The following CRACD variants were observed in gnomAD, a reference collection of about 807,000 sequenced individuals.
The protein encoded by CRACD is capping protein inhibiting regulator of actin dynamics.
CRACD carries 56 observed loss-of-function variants against 106.8 expected under a neutral mutation model. The observed-to-expected ratio is 0.52, with a 90% CI of 0.42 to 0.66. The LOEUF is 0.66. Ranked by LOEUF, CRACD falls within the 30% of genes least tolerant of loss-of-function variation. The pLI is 0.00. For synonymous variants in CRACD, 754 were observed against 670.8 expected (o/e 1.12, Z -1.92); for missense variants, 1,730 against 1,623.2 (o/e 1.07, Z -1.13).
chr4:56,292,235 T>C (rs1743736095), intron 3 of CRACD, among the ~76,000 whole-genome samples: 1 of 152,166 alleles, frequency 6.6e-6, no homozygotes, highest in Non-Finnish European at 1.5e-5. Context: ...TGAAAGGAAT[T>C]TTTAAGCAGC....
intron 2 of CRACD, among the ~76,000 whole-genome samples, chr4:56,183,089 C>T (rs1166619291): frequency 1.8e-4 from 28 of 151,632 alleles, no homozygotes; most frequent in South Asian, 6.3e-4. Flanking sequence ...AAAAATTAGC[C>T]GGGCATGGTG....
chr4:56,086,055 G>A (rs1325329247), intron 1 of CRACD, among the ~76,000 whole-genome samples: 1 of 152,092 alleles, frequency 6.6e-6, no homozygotes, highest in Non-Finnish European at 1.5e-5. Context: ...CATTCCTAGA[G>A]AAGCAAACAG....
At chr4:56,108,457 T>C (rs924158216) in intron 1 of CRACD, among the ~76,000 whole-genome samples, 4 of 152,206 alleles carry the variant, frequency 2.6e-5, no homozygotes, top group African/African-American at 7.2e-5. Context: ...CCCTGTCATG[T>C]AGGGACAAGC....
intron 1 of CRACD, among the ~76,000 whole-genome samples, chr4:56,092,641 C>T (rs111403315): frequency 1.3e-5 from 2 of 151,840 alleles, no homozygotes; most frequent in African/African-American, 2.4e-5. Context: ...CTCACTCTGT[C>T]GCCCAGGCTG....
At chr4:56,310,161 G>C (rs1745042148) in intron 5 of CRACD, among the ~76,000 whole-genome samples, 1 of 152,114 alleles carries the variant, frequency 6.6e-6, no homozygotes, top group African/African-American at 2.4e-5. Context: ...CTCCCTTTCT[G>C]CTGTTTTCTT....
chr4:56,143,072 A>G lies in CRACD; in HGVS notation c.-335-36212A>G, dbSNP rs1297876343. 2.0e-5 allele frequency among the ~76,000 whole-genome samples: 3 copies of G among 151,836 alleles called. No homozygotes were observed. The East Asian group carries it at 5.8e-4, about 29-fold the overall frequency. On this transcript the variant is annotated intron_variant, in intron 1 of 10. Transcript: ENST00000682029. ...TTTTAGAACTATAATATCTAATTCTAGACATAAAAATTGTTTGGCTTGATT... is the reference window on the plus strand; with the variant it reads ...TTTTAGAACTATAATATCTAATTCTGGACATAAAAATTGTTTGGCTTGATT...
chr4:56,188,659 T>TA (rs1553908639), intron 2 of CRACD, among the ~76,000 whole-genome samples: 15 of 83,814 alleles, frequency 1.8e-4, no homozygotes, highest in Admixed American at 2.7e-4. Flanking sequence ...ATCTCTCTAT[T>TA]TCTCTCTCTC....
At chr4:56,112,116 C>T (rs1034981284) in intron 1 of CRACD, among the ~76,000 whole-genome samples, 3 of 152,108 alleles carry the variant, frequency 2.0e-5, no homozygotes, top group Non-Finnish European at 2.9e-5. Flanking sequence ...TCTTGCTAGG[C>T]GGGAGTCAGG....
intron 1 of CRACD, among the ~76,000 whole-genome samples, chr4:56,161,626 A>C (rs1735960123): frequency 6.6e-6 from 1 of 151,890 alleles, no homozygotes; most frequent in Non-Finnish European, 1.5e-5. Context: ...CACTCTGCTG[A>C]TTTTTATGTT....
At chr4:56,269,511 G>C (rs1311627602) in intron 2 of CRACD, among the ~76,000 whole-genome samples, 3 of 151,882 alleles carry the variant, frequency 2.0e-5, no homozygotes, top group Non-Finnish European at 2.9e-5. Context: ...CAAAGTAGGA[G>C]CAGGCATGAC....
chr4:56,058,003 G>A (rs191302912), intron 1 of CRACD, among the ~76,000 whole-genome samples: 37 of 63,938 alleles, frequency 5.8e-4, no homozygotes, highest in African/African-American at 8.4e-4. Flanking sequence ...TATTTTTTTA[G>A]TAGAGACGGG....
At position 56,312,474 on chromosome 4, in the gene CRACD, T is replaced by A. The variant is rs922964594; in HGVS notation, c.355-723T>A. 3.3e-5 allele frequency among the ~76,000 whole-genome samples: 5 copies of A among 152,180 alleles called. No homozygotes were observed. In the East Asian group the frequency reaches 7.7e-4, roughly 23 times the overall value. The stretch of plus-strand genomic sequence containing the variant: ...CATCGCACCCAGCCATACCAAAACA[T>A]TTTTGTCGATCAGGAATTTCGTGTT... On this transcript the variant is annotated intron_variant, in intron 6 of 10. Transcript: ENST00000682029.
In CRACD at chr4:56,330,143, G is replaced by A. The variant is rs1411162172; in HGVS notation, c.*2339G>A. Among the ~76,000 whole-genome samples, 1 of 150,732 alleles carries A rather than the reference G, an allele frequency of 6.6e-6. No individual in the cohort carries two copies. The highest frequency in any genetic ancestry group is 1.9e-4 in the East Asian group (1 of 5,168). ...GGAATTCTGTAAAAACATATAAAAA[G>A]TTCAAGACTTTTTTTTTAAATGAAT... On this transcript the variant is annotated 3_prime_UTR_variant, in exon 11 of 11. Transcript: ENST00000682029.
intron 1 of CRACD, among the ~76,000 whole-genome samples, chr4:56,092,224 T>G (rs1015607411): frequency 3.3e-5 from 5 of 152,208 alleles, no homozygotes; most frequent in Admixed American, 6.5e-5. Flanking sequence ...TCAGCTGACA[T>G]GCACTTGACT....
At chr4:56,293,924 C>T (rs1363597631) in intron 3 of CRACD, among the ~76,000 whole-genome samples, 2 of 58,884 alleles carry the variant, frequency 3.4e-5, no homozygotes, top group Admixed American at 4.9e-4. Context: ...TACAAAAATT[C>T]TATGCTTCAG....
chr4:56,066,329 C>T (rs1732467046), intron 1 of CRACD, among the ~76,000 whole-genome samples: 1 of 152,140 alleles, frequency 6.6e-6, no homozygotes, highest in Non-Finnish European at 1.5e-5. Flanking sequence ...TTCTTAAGTA[C>T]ATCAAAACTC....
intron 1 of CRACD, among the ~76,000 whole-genome samples, chr4:56,079,875 C>T (rs1171842338): frequency 6.6e-6 from 1 of 152,142 alleles, no homozygotes; most frequent in East Asian, 1.9e-4. Context: ...ACCATTGGGC[C>T]AGTTTAATCA....
Position 56,088,724 on chromosome 4 carries a change from G to T in CRACD, c.-336+39425G>T, listed in dbSNP as rs999605476. ...TGAATAATTGAACAAATTATATACT[G>T]TACTTTTTTTTTTGACGGAATCTTG... On this transcript the variant is annotated intron_variant, in intron 1 of 10. Transcript: ENST00000682029. 1.3e-5 allele frequency among the ~76,000 whole-genome samples: 2 copies of T among 151,070 alleles called. 1 individual carries two copies. The highest frequency in any genetic ancestry group is 3.0e-5 in the Non-Finnish European group (2 of 67,790).
intron 2 of CRACD, among the ~76,000 whole-genome samples, chr4:56,207,744 TC>T (rs1414074889): frequency 1.1e-4 from 8 of 71,150 alleles, no homozygotes; most frequent in African/African-American, 5.2e-4. Flanking sequence ...ACTTGTTTTC[TC>T]ATATATATAT....
Sources: gnomAD v4.1 joint callset for allele counts (sites outside exome capture counted in the v4.1 genomes callset) on GRCh38, gnomAD v4.1.1 for gene constraint, MANE v1.5 for transcripts, NCBI Gene and HGNC (gene_info 2026-07-23, HGNC 2026-07-21) for gene names.